Variants in ASCL1 observed in about 807,000 individuals in gnomAD.
ASCL1 encodes achaete-scute family bHLH transcription factor 1, also known as achaete-scute homolog 1.
Under a neutral mutation model 16.1 loss-of-function variants are expected in ASCL1, and 2 were observed. The ratio of observed to expected loss-of-function variants is 0.12; its 90% CI spans 0.05 to 0.39. ASCL1 has a LOEUF of 0.39. Among genes scored for constraint, ASCL1 ranks in the 10% least tolerant of loss-of-function variants. The pLI is 0.99. For synonymous variants in ASCL1, 165 were observed against 155.7 expected, an observed-to-expected ratio of 1.06 and a Z score of -0.45; for missense variants, 276 against 336.9, an observed-to-expected ratio of 0.82 and a Z score of 1.41.
rs548773203 is a variant in ASCL1, at chr12:102,959,344, C to A, written c.*48-18C>A. On this transcript the variant is annotated intron_variant, in intron 1 of 1. Transcript: ENST00000266744. ...CACGTTCAAATTAACCTCTCCTGTT[C>A]TTTTCCTTATGTTATAGGGTGATCG... The A allele has an allele frequency of 3.5e-5, 9 of 257,234 alleles. No individual in the cohort carries two copies. Among genetic ancestry groups the A allele is most frequent in the Admixed American group, 1.0e-4 (2 of 19,822 alleles). The allele number at this position is 257,234 out of a possible 1,614,324, so 15.9% of individuals were successfully genotyped here.
intron 1 of ASCL1, 126 bp downstream of exon 1, chr12:102,959,128 GTCGATT>G: frequency 3.5e-6 from 4 of 1,149,970 alleles, no homozygotes; most frequent in Non-Finnish European, 4.8e-6. Context: ...GTGAAAGTTG[GTCGATT>G]TCAAGTCCTA....
intron 1 of ASCL1, 46 bp downstream of exon 1, chr12:102,959,048 C>G (rs1167853146): frequency 6.4e-7 from 1 of 1,565,766 alleles, no homozygotes; most frequent in African/African-American, 1.4e-5. Flanking sequence ...TTGCCTTCGT[C>G]CTCCCTCTGA....
Position 102,958,319 on chromosome 12 carries a change from G to A in ASCL1, c.75G>A (p.Leu25=). 1 of 1,470,392 alleles carries A rather than the reference G, an allele frequency of 6.8e-7. No homozygotes were observed. Among genetic ancestry groups the A allele is most frequent in the Non-Finnish European group, 9.0e-7 (1 of 1,116,284 alleles). 91.1% of individuals were successfully genotyped at this position (1,470,392 alleles called of 1,614,324 possible). A position where few individuals can be genotyped will look rare whatever the true frequency, so the allele number is the denominator to read the frequency against. ...AGCCGCAGCCCCAGCAGCCCTTCCTGCCGCCCGCAGCCTGTTTCTTTGCCA... is the reference window on the plus strand; with the variant it reads ...AGCCGCAGCCCCAGCAGCCCTTCCTACCGCCCGCAGCCTGTTTCTTTGCCA... ...QPQPQPQQPF[L]PPAACFFATA... is the part of the protein sequence containing the mutation. The change falls in exon 1 of 2, where the codon CTG becomes CTA. Residue 25 remains leucine (L), a synonymous_variant. Coordinates refer to ENST00000266744, the MANE Select transcript of ASCL1 (RefSeq NM_004316.4).
chr12:102,958,691 G>C lies in ASCL1; in HGVS notation c.447G>C (p.Ala149=). 6.2e-7 allele frequency: 1 copy of C among 1,614,066 alleles called. No homozygotes were observed. The highest frequency in any genetic ancestry group is 8.5e-7 in the Non-Finnish European group (1 of 1,179,990). The change falls in exon 1 of 2, where the codon GCG becomes GCC. Residue 149 remains alanine, a synonymous_variant. Transcript: ENST00000266744. ...TTCGGGAGCACGTCCCCAACGGCGCGGCCAACAAGAAGATGAGTAAGGTGG... is the reference window on the plus strand; with the variant it reads ...TTCGGGAGCACGTCCCCAACGGCGCCGCCAACAAGAAGATGAGTAAGGTGG... ...ATLREHVPNG[A]ANKKMSKVET...
Sources: allele counts gnomAD v4.1 joint callset, GRCh38; gene constraint gnomAD v4.1.1; transcripts MANE v1.5; gene names NCBI Gene and HGNC (gene_info 2026-07-23, HGNC 2026-07-21).